MAST4: variants seen among roughly 807,000 people sequenced by gnomAD.
The protein encoded by MAST4 is microtubule associated serine/threonine kinase family member 4, also known as microtubule-associated serine/threonine-protein kinase 4.
MAST4 carries 89 observed loss-of-function variants against 162.7 expected under a neutral mutation model. The observed-to-expected ratio is 0.55, with a 90% CI of 0.46 to 0.65. The LOEUF is 0.65. MAST4 is among the 30% of genes least tolerant of loss of function. The pLI is 0.00. For missense variants in MAST4, 3,153 were observed against 3,374.0 expected (o/e 0.93, Z 1.62); for synonymous variants, 1,479 against 1,361.1 (o/e 1.09, Z -1.91).
chr5:66,922,091 A>G (rs1300804805), intron 4 of MAST4, among the ~76,000 whole-genome samples: 2 of 152,146 alleles, frequency 1.3e-5, no homozygotes, highest in African/African-American at 2.4e-5. Flanking sequence ...CGGGACTTCC[A>G]TATTGCTGAA....
At chr5:66,632,225 T>G (rs2149422856) in intron 1 of MAST4, among the ~76,000 whole-genome samples, 1 of 152,344 alleles carries the variant, frequency 6.6e-6, no homozygotes, top group East Asian at 1.9e-4. Flanking sequence ...AGGAAGCTGT[T>G]AGAAGTAATG....
At chr5:66,940,585 A>G (rs1743252849) in intron 4 of MAST4, among the ~76,000 whole-genome samples, 1 of 152,160 alleles carries the variant, frequency 6.6e-6, no homozygotes, top group South Asian at 2.1e-4. Context: ...TTCAAGTTTT[A>G]ACATCAAATT....
chr5:66,964,259 C>T (rs1049959747), intron 4 of MAST4, among the ~76,000 whole-genome samples: 1 of 152,164 alleles, frequency 6.6e-6, no homozygotes, highest in South Asian at 2.1e-4. Context: ...CTCCTACCCC[C>T]TCACTCATAG....
chr5:67,114,136 A>G lies in MAST4; in HGVS notation c.1508A>G (p.His503Arg). 6.2e-7 allele frequency: 1 copy of G among 1,613,722 alleles called. No homozygotes were observed. Among genetic ancestry groups the G allele is most frequent in the Non-Finnish European group, 8.5e-7 (1 of 1,179,804 alleles). ...TACCTATTGGAAGCAGCAGAAGGCC[A>G]TGCCAAAGAAGGACAGGGTATTAAA... ...FYYLLEAAEG[H>R]AKEGQGIKTD... The change falls in exon 12 of 29, where the codon CAT (histidine) becomes CGT (arginine). Residue 503 changes from histidine (H) to arginine (R), a missense_variant. Physicochemically the swap from His to Arg is conservative, Grantham distance 29. Around this residue, in one of 7 missense-constraint regions of MAST4, gnomAD observed 360 missense variants for 450.0 expected, o/e 0.80. Coordinates refer to ENST00000403625, the MANE Select transcript of MAST4 (RefSeq NM_001164664.2).
intron 1 of MAST4, among the ~76,000 whole-genome samples, chr5:66,730,593 G>C (rs552363922): frequency 1.3e-5 from 2 of 152,316 alleles, no homozygotes; most frequent in African/African-American, 4.8e-5. Flanking sequence ...AATTTAAACA[G>C]ATTCTGAACA....
rs916512202 is a variant in MAST4, at chr5:67,090,291, C to G, written c.833+60C>G. The G allele has an allele frequency of 2.3e-6, 3 of 1,286,234 alleles. No homozygotes were observed. In the African/African-American group the frequency reaches 4.5e-5, roughly 19 times the overall value. 79.7% of individuals were successfully genotyped at this position (1,286,234 alleles called of 1,614,324 possible). On this transcript the variant is annotated intron_variant, in intron 6 of 28. Transcript: ENST00000403625. ...TATAGAGAGAATCCCATTTTCCTCT[C>G]CCTCTCCCCACTTCTCCCCCTCCCC...
intron 3 of MAST4, among the ~76,000 whole-genome samples, chr5:66,849,856 GA>G (rs1197539825): frequency 6.6e-6 from 1 of 152,204 alleles, no homozygotes; most frequent in African/African-American, 2.4e-5. Flanking sequence ...AATCAGGGCA[GA>G]AAGTTTAAAA....
chr5:66,750,552 C>T (rs558990214), intron 1 of MAST4, among the ~76,000 whole-genome samples: 19 of 152,328 alleles, frequency 1.2e-4, no homozygotes, highest in Admixed American at 4.6e-4. Flanking sequence ...CCTTGAAAAT[C>T]GGGTCACTCC....
chr5:67,102,885 G>A (rs532356765), intron 9 of MAST4, among the ~76,000 whole-genome samples: 5 of 152,334 alleles, frequency 3.3e-5, no homozygotes, highest in Admixed American at 1.3e-4. Flanking sequence ...GTGAGGTGCC[G>A]TAGGGAGGGT....
chr5:67,142,632 G>A, intron 21 of MAST4, 99 bp downstream of exon 21: 1 of 795,370 alleles, frequency 1.3e-6, no homozygotes, highest in Non-Finnish European at 2.0e-6. Context: ...CGTTTTCCAG[G>A]GTTTGAGGTC....
At chr5:66,681,740 T>C (rs1748341503) in intron 1 of MAST4, among the ~76,000 whole-genome samples, 1 of 152,166 alleles carries the variant, frequency 6.6e-6, no homozygotes, top group Admixed American at 6.5e-5. Flanking sequence ...TGAACTATGA[T>C]GGGGATAGTG....
At chr5:66,600,978 C>T (rs1485956352) in intron 1 of MAST4, among the ~76,000 whole-genome samples, 1 of 152,164 alleles carries the variant, frequency 6.6e-6, no homozygotes, top group South Asian at 2.1e-4. Flanking sequence ...AATGGTTTCT[C>T]TTATTAACAA....
intron 4 of MAST4, among the ~76,000 whole-genome samples, chr5:66,962,822 T>A (rs2150164840): frequency 6.6e-6 from 1 of 152,356 alleles, no homozygotes; most frequent in South Asian, 2.1e-4. Context: ...TAGCTAATTT[T>A]TACTTTGATT....
At chr5:66,933,925 C>T (rs1465661573) in intron 4 of MAST4, among the ~76,000 whole-genome samples, 2 of 152,044 alleles carry the variant, frequency 1.3e-5, no homozygotes, top group African/African-American at 4.8e-5. Flanking sequence ...CTCCTGGCTT[C>T]AAGTGATCCT....
intron 5 of MAST4, among the ~76,000 whole-genome samples, chr5:67,084,229 C>G (rs1345624181): frequency 6.6e-6 from 1 of 152,172 alleles, no homozygotes; most frequent in African/African-American, 2.4e-5. Context: ...CATTACATGT[C>G]CGTTTATCAA....
chr5:66,891,592 C>T (rs746706391), intron 3 of MAST4, among the ~76,000 whole-genome samples: 6 of 152,202 alleles, frequency 3.9e-5, no homozygotes, highest in Admixed American at 6.5e-5. Context: ...GTCCCTGCCT[C>T]CATACTCCTG....
At chr5:66,912,100 G>A (rs1352390495) in intron 4 of MAST4, among the ~76,000 whole-genome samples, 1 of 152,166 alleles carries the variant, frequency 6.6e-6, no homozygotes, top group Non-Finnish European at 1.5e-5. Context: ...AATTGAGCAG[G>A]GCATTTGATT....
rs748108146 is a variant in MAST4, at chr5:67,102,589, T to C, written c.1124T>C (p.Val375Ala). ...CDHEIIMMNH[V>A]YKERFPKATA... Reference sequence around the variant, plus strand: ...CATGAAATAATTATGATGAACCATGTCTACAAAGAAAGGTTCCCAAAGGTA... The same window carrying C: ...CATGAAATAATTATGATGAACCATGCCTACAAAGAAAGGTTCCCAAAGGTA... Residue 375 changes from valine (V) to alanine (A), a missense_variant, in exon 9 of 29, where the codon GTC becomes GCC. By Grantham distance (64) the Val-to-Ala change is moderately conservative. Coordinates refer to ENST00000403625, the MANE Select transcript of MAST4 (RefSeq NM_001164664.2). The C allele has an allele frequency of 2.5e-6, 4 of 1,613,888 alleles. No individual in the cohort carries two copies. The highest frequency in any genetic ancestry group is 2.5e-6 in the Non-Finnish European group (3 of 1,179,776).
chr5:66,856,255 A>G (rs886572484), intron 3 of MAST4, among the ~76,000 whole-genome samples: 3 of 152,180 alleles, frequency 2.0e-5, no homozygotes, highest in African/African-American at 7.2e-5. Context: ...GCTGATGTCA[A>G]AGGGTGCAGG....
Sources: gnomAD v4.1 joint callset for allele counts (sites outside exome capture counted in the v4.1 genomes callset) on GRCh38, gnomAD v4.1.1 for gene constraint, gnomAD v4.1.1 regional missense constraint, MANE v1.5 for transcripts, NCBI Gene and HGNC (gene_info 2026-07-23, HGNC 2026-07-21) for gene names.